Variants in ASH1L observed in about 807,000 individuals in gnomAD.
The protein encoded by ASH1L is ASH1 like histone lysine methyltransferase.
ASH1L carries 23 observed loss-of-function variants against 269.0 expected under a neutral mutation model. That is an observed-to-expected ratio of 0.09 (90% CI 0.06 to 0.12). The LOEUF is 0.12. Among genes scored for constraint, ASH1L ranks in the 10% least tolerant of loss-of-function variants. ASH1L has a pLI of 1.00. For synonymous variants in ASH1L, 1,187 were observed against 1,253.5 expected, an observed-to-expected ratio of 0.95 and a Z score of 1.12; for missense variants, 2,912 against 3,567.8, an observed-to-expected ratio of 0.82 and a Z score of 4.68.
intron 4 of ASH1L, among the ~76,000 whole-genome samples, chr1:155,455,284 C>A (rs1663794943): frequency 6.6e-6 from 1 of 152,060 alleles, no homozygotes; most frequent in Non-Finnish European, 1.5e-5. Flanking sequence ...ATATTAAAAA[C>A]CTCCAGAAAA....
At chr1:155,520,992 A>C (rs555920159) in intron 2 of ASH1L, 108 bp downstream of exon 2, 7 of 1,223,070 alleles carry the variant, frequency 5.7e-6, no homozygotes, top group Non-Finnish European at 8.0e-6. Context: ...ACTATCTGGA[A>C]ATAACATAGA....
rs1180326792 is a variant in ASH1L at position 155,503,951 on chromosome 1, G to A, written c.420+17149C>T. On this transcript the variant is annotated intron_variant, in intron 2 of 27. Coordinates refer to ENST00000392403, the MANE Select transcript of ASH1L (RefSeq NM_018489.3). ...GTTGCCAGACTGGTCTTGAACTCCT[G>A]AGCTCAAGCCACCCACCCACCCTGG... 4.6e-5 allele frequency among the ~76,000 whole-genome samples: 7 copies of A among 152,138 alleles called. No homozygotes were observed. In the South Asian group the frequency reaches 8.3e-4, roughly 18 times the overall value.
intron 3 of ASH1L, among the ~76,000 whole-genome samples, chr1:155,460,131 G>A (rs375492283): frequency 6.6e-6 from 1 of 152,194 alleles, no homozygotes; most frequent in South Asian, 2.1e-4. Context: ...TACATTACCA[G>A]AGGAAAAACT....
chr1:155,516,785 A>G (rs967150836), intron 2 of ASH1L, among the ~76,000 whole-genome samples: 1 of 152,112 alleles, frequency 6.6e-6, no homozygotes, highest in Admixed American at 6.5e-5. Flanking sequence ...TTAATAATTA[A>G]AAAAACTAGT....
At chr1:155,504,881 TTACAG>T (rs1667719225) in intron 2 of ASH1L, among the ~76,000 whole-genome samples, 1 of 150,944 alleles carries the variant, frequency 6.6e-6, no homozygotes, top group Non-Finnish European at 1.5e-5. Flanking sequence ...AGATTTACCA[TTACAG>T]CTATAAATGA....
rs768545604 is a variant in ASH1L, at chr1:155,480,310, C to G, written c.2560G>C (p.Val854Leu). Residue 854 changes from valine (V) to leucine (L), a missense_variant, in exon 3 of 28, where the codon GTG becomes CTG. Coordinates refer to ENST00000392403, the MANE Select transcript of ASH1L (RefSeq NM_018489.3). Reference protein sequence around the residue: ...KRTLKIPASKVFSLQSKEEQE... With the variant: ...KRTLKIPASKLFSLQSKEEQE... ...TCTTCCTTAGACTGTAAAGAAAACA[C>G]TTTAGAAGCAGGGATTTTTAAAGTC... The G allele has an allele frequency of 6.2e-7, 1 of 1,613,974 alleles. No homozygotes were observed. The highest frequency in any genetic ancestry group is 8.5e-7 in the Non-Finnish European group (1 of 1,179,890).
Position 155,438,745 on chromosome 1 carries a change from G to T in ASH1L, c.5410C>A (p.Gln1804Lys). 2 of 1,614,132 alleles carry T rather than the reference G, an allele frequency of 1.2e-6. No individual in the cohort carries two copies. Among genetic ancestry groups the T allele is most frequent in the South Asian group, 2.2e-5 (2 of 91,086 alleles). Residue 1804 changes from glutamine (Q) to lysine (K), a missense_variant, in exon 5 of 28, where the codon CAA (glutamine) becomes AAA (lysine). By Grantham distance (53) the Gln-to-Lys change is moderately conservative (BLOSUM62 1). This residue lies in a region of ASH1L where 789 missense variants were observed against 897.6 expected (regional missense o/e 0.88). Coordinates refer to ENST00000392403, the MANE Select transcript of ASH1L (RefSeq NM_018489.3). ...HIKRSVVEAMQRQARKMCNYD... is the reference protein window; with the variant it reads ...HIKRSVVEAMKRQARKMCNYD... Reference sequence around the variant, plus strand: ...TTGCACATTTTCCGAGCTTGGCGTTGCATAGCTTCCACTACACTTCTCTTG... The same window carrying T: ...TTGCACATTTTCCGAGCTTGGCGTTTCATAGCTTCCACTACACTTCTCTTG...
chr1:155,344,077 C>T, intron 22 of ASH1L, 106 bp downstream of exon 22: 2 of 955,392 alleles, frequency 2.1e-6, no homozygotes, highest in South Asian at 1.6e-5. Flanking sequence ...TATTCTATTG[C>T]TATTCGAGGC....
At chr1:155,356,458 C>A (rs543048165) in intron 15 of ASH1L, among the ~76,000 whole-genome samples, 1 of 151,750 alleles carries the variant, frequency 6.6e-6, no homozygotes, top group South Asian at 2.1e-4. Flanking sequence ...CATGGTGAAA[C>A]CCTGTCTCTA....
At chr1:155,346,623 A>G (rs190018862) in intron 20 of ASH1L, among the ~76,000 whole-genome samples, 154 bp from the exon 21 acceptor site, 9 of 152,332 alleles carry the variant, frequency 5.9e-5, no homozygotes, top group Admixed American at 5.9e-4. Context: ...ATAAATGGTA[A>G]AATAGGAGGA....
Position 155,482,246 on chromosome 1 carries a change from T to C in ASH1L, c.624A>G (p.Ala208=). The change falls in exon 3 of 28, where the codon GCA becomes GCG. Residue 208 remains alanine, a synonymous_variant. Transcript: ENST00000392403. The part of the protein sequence containing the change: ...GSRDPDLKDR[A]LLNGGTSVTE... ...TTACACTAGTTCCTCCATTAAGTAA[T>C]GCTCTGTCCTTTAAATCAGGATCCC... 3 of 1,614,174 alleles carry C rather than the reference T, an allele frequency of 1.9e-6. No homozygotes were observed. The highest frequency in any genetic ancestry group is 2.5e-6 in the Non-Finnish European group (3 of 1,180,006).
At chr1:155,421,563 C>T (rs1305269722) in intron 5 of ASH1L, among the ~76,000 whole-genome samples, 1 of 150,124 alleles carries the variant, frequency 6.7e-6, no homozygotes, top group African/African-American at 2.5e-5. Context: ...CCCAGCTACT[C>T]GGGAGGCTGA....
In ASH1L at chr1:155,507,236, C is replaced by T. The variant is rs139792133; in HGVS notation, c.420+13864G>A. Among the ~76,000 whole-genome samples the T allele has an allele frequency of 3.3e-3, 492 of 150,316 alleles. 2 individuals are homozygous for T. Among genetic ancestry groups the T allele is most frequent in the African/African-American group, 0.012 (475 of 40,796 alleles). ...TGGAGGTTGCGGTGTGCCGAGATCG[C>T]GCCATGGCACTCCAGCCTGGCCAAC... On this transcript the variant is annotated intron_variant, in intron 2 of 27. Transcript: ENST00000392403.
In ASH1L at chr1:155,481,088, T is replaced by G. The variant is rs866538061; in HGVS notation, c.1782A>C (p.Glu594Asp). 1 of 1,614,130 alleles carries G rather than the reference T, an allele frequency of 6.2e-7. No individual in the cohort carries two copies. ...GGTTCTTTCCAACAGATTCAGAAAT[T>G]TCTTCGATTAGTTCTGTAGTAGAAC... is the stretch of plus-strand genomic sequence containing the variant. ...LLSSTTELIEEISESVGKNQF... is the reference protein window; with the variant it reads ...LLSSTTELIEDISESVGKNQF... Residue 594 changes from glutamate (E) to aspartate (D), a missense_variant, in exon 3 of 28, where the codon GAA becomes GAC. By Grantham distance (45) the Glu-to-Asp change is conservative. Coordinates refer to ENST00000392403, the MANE Select transcript of ASH1L (RefSeq NM_018489.3).
chr1:155,480,072 C>T lies in ASH1L; in HGVS notation c.2798G>A (p.Ser933Asn), dbSNP rs1272213652. The change falls in exon 3 of 28, where the codon AGT becomes AAT. Residue 933 changes from serine to asparagine, a missense_variant. By Grantham distance (46) the Ser-to-Asn change is conservative. Transcript: ENST00000392403. ...TTGATCCTCGCTCTCAAAGAAATCA[C>T]TGCTACTTCTATGGTTGTCACTTTC... ...ESESDNHRSS[S>N]DFFESEDQLQ... 1.9e-6 allele frequency: 3 copies of T among 1,614,126 alleles called. No homozygotes were observed. Among genetic ancestry groups the T allele is most frequent in the Non-Finnish European group, 2.5e-6 (3 of 1,180,022 alleles).
chr1:155,398,031 G>A (rs1273433039), intron 6 of ASH1L, among the ~76,000 whole-genome samples: 2 of 152,082 alleles, frequency 1.3e-5, no homozygotes, highest in East Asian at 3.8e-4. Flanking sequence ...AAATCATACT[G>A]ACAGGGAAAG....
rs770079630 is a variant in ASH1L, at chr1:155,346,402, T to G, written c.7871A>C (p.Asp2624Ala). The change falls in exon 21 of 28, where the codon GAC (aspartate) becomes GCC (alanine). Residue 2624 changes from aspartate to alanine, a missense_variant. Physicochemically the swap from Asp to Ala is moderately radical, Grantham distance 126. This residue lies in a region of ASH1L where 179 missense variants were observed against 293.8 expected (regional missense o/e 0.61). Coordinates refer to ENST00000392403, the MANE Select transcript of ASH1L (RefSeq NM_018489.3). ...GCTTACCCTGTCCACAGGCCTTGGGTCACACTGCTCACAAAGGTAGTGCTC... is the reference window on the plus strand; with the variant it reads ...GCTTACCCTGTCCACAGGCCTTGGGGCACACTGCTCACAAAGGTAGTGCTC... The part of the protein sequence containing the change: ...DVEHYLCEQC[D>A]PRPVDREVPM... 1.9e-6 allele frequency: 3 copies of G among 1,614,082 alleles called. No individual in the cohort carries two copies. The highest frequency in any genetic ancestry group is 2.5e-6 in the Non-Finnish European group (3 of 1,179,976).
chr1:155,502,968 T>C (rs1366884927), intron 2 of ASH1L, among the ~76,000 whole-genome samples: 1 of 152,208 alleles, frequency 6.6e-6, no homozygotes, highest in Admixed American at 6.5e-5. Context: ...CTAACCGTTA[T>C]AATCAACAAA....
intron 5 of ASH1L, among the ~76,000 whole-genome samples, chr1:155,423,370 G>C (rs1457342369): frequency 6.6e-6 from 1 of 151,876 alleles, no homozygotes; most frequent in East Asian, 2.0e-4. Flanking sequence ...CACGAGTTCA[G>C]GAGATTGTGA....
Sources: allele counts gnomAD v4.1 joint callset (sites outside exome capture counted in the v4.1 genomes callset), GRCh38; gene constraint gnomAD v4.1.1; regional missense constraint gnomAD v4.1.1; transcripts MANE v1.5; gene names NCBI Gene and HGNC (gene_info 2026-07-23, HGNC 2026-07-21).